LARS2: variants seen among roughly 807,000 people sequenced by gnomAD.
LARS2 encodes leucyl-tRNA synthetase 2, mitochondrial, also known as leucine--tRNA ligase, mitochondrial.
LARS2 carries 81 observed loss-of-function variants against 116.6 expected under a neutral mutation model. That is an observed-to-expected ratio of 0.69 (90% CI 0.58 to 0.84). The LOEUF (loss-of-function observed/expected upper bound fraction) is 0.84. Ranked by LOEUF, LARS2 falls within the 40% of genes least tolerant of loss-of-function variation. The pLI is 0.00. For missense variants in LARS2, 968 were observed against 1,114.5 expected (o/e 0.87, Z 1.87); for synonymous variants, 396 against 407.2 (o/e 0.97, Z 0.33).
At chr3:45,529,409 C>A (rs1700581091) in intron 20 of LARS2, among the ~76,000 whole-genome samples, 2 of 151,870 alleles carry the variant, frequency 1.3e-5, no homozygotes, top group African/African-American at 4.8e-5. Context: ...ATTAGCCGGG[C>A]GTGGTGGCGC....
chr3:45,527,438 C>T (rs892741186), intron 20 of LARS2, among the ~76,000 whole-genome samples: 6 of 152,142 alleles, frequency 3.9e-5, no homozygotes, highest in Admixed American at 3.9e-4. Flanking sequence ...TCCTGGCCAA[C>T]ATGGTGAAAC....
chr3:45,494,824 T>C (rs1466820984), intron 13 of LARS2, among the ~76,000 whole-genome samples: 1 of 152,208 alleles, frequency 6.6e-6, no homozygotes, highest in Non-Finnish European at 1.5e-5. Context: ...TCCCAGCACT[T>C]TGGGAGGCTG....
intron 2 of LARS2, among the ~76,000 whole-genome samples, chr3:45,392,302 CTTTT>C (rs749403733): frequency 7.2e-6 from 1 of 138,208 alleles, no homozygotes. Flanking sequence ...TCTTTTTTAT[CTTTT>C]TTTTTTTTTT....
intron 10 of LARS2, 67 bp downstream of exon 10, chr3:45,476,694 A>G: frequency 1.3e-6 from 2 of 1,536,518 alleles, no homozygotes; most frequent in Non-Finnish European, 1.8e-6. Flanking sequence ...CGCCTCCCAG[A>G]GTTCAAGGTC....
At chr3:45,516,304 C>T (rs748390580) in intron 17 of LARS2, 28 bp downstream of exon 17, 2 of 1,601,582 alleles carry the variant, frequency 1.2e-6, no homozygotes, top group Non-Finnish European at 1.7e-6. Context: ...TCCTGACTTG[C>T]TTCCTTTGTG....
chr3:45,533,252 A>G (rs933069104), intron 20 of LARS2, among the ~76,000 whole-genome samples: 21 of 135,388 alleles, frequency 1.6e-4, no homozygotes, highest in Non-Finnish European at 2.0e-4. Context: ...CCGGGTTCAC[A>G]CCATTTGCCT....
chr3:45,492,691 AT>A (rs1176009956), intron 13 of LARS2, among the ~76,000 whole-genome samples: 2 of 152,242 alleles, frequency 1.3e-5, no homozygotes, highest in African/African-American at 4.8e-5. Flanking sequence ...AGGAACAAAA[AT>A]AACCCCATTG....
chr3:45,521,063 G>A (rs1189146335), intron 19 of LARS2, among the ~76,000 whole-genome samples: 1 of 152,162 alleles, frequency 6.6e-6, no homozygotes, highest in Non-Finnish European at 1.5e-5. Flanking sequence ...CCAGCACTTT[G>A]GGAGGCTGAG....
chr3:45,495,441 T>C (rs1699997213), intron 13 of LARS2: 1 of 152,212 alleles, frequency 6.6e-6, no homozygotes, highest in African/African-American at 2.4e-5. Flanking sequence ...GAGCAACCAT[T>C]GCCTTTGGGG....
At chr3:45,495,034 C>T (rs1352812602) in intron 13 of LARS2, among the ~76,000 whole-genome samples, 2 of 152,212 alleles carry the variant, frequency 1.3e-5, no homozygotes, top group Non-Finnish European at 2.9e-5. Flanking sequence ...AGCCACTGCA[C>T]TCCAGCCCAG....
chr3:45,405,880 A>G (rs1698225568), intron 4 of LARS2, among the ~76,000 whole-genome samples: 1 of 152,130 alleles, frequency 6.6e-6, no homozygotes, highest in African/African-American at 2.4e-5. Context: ...AGAAGGGGGT[A>G]TAGTGAATCC....
intron 3 of LARS2, among the ~76,000 whole-genome samples, chr3:45,397,412 A>C (rs1698065612): frequency 6.6e-6 from 1 of 152,168 alleles, no homozygotes; most frequent in Non-Finnish European, 1.5e-5. Context: ...TTTAGAAAAC[A>C]ATACTTTTCT....
chr3:45,507,334 CAT>C (rs1378986791), intron 15 of LARS2, among the ~76,000 whole-genome samples: 1 of 152,042 alleles, frequency 6.6e-6, no homozygotes, highest in Non-Finnish European at 1.5e-5. Flanking sequence ...GAGCAGCTCT[CAT>C]ATATTGCAGG....
intron 4 of LARS2, among the ~76,000 whole-genome samples, chr3:45,410,292 T>A (rs73830410): frequency 0.013 from 1,951 of 146,930 alleles, 37 homozygotes; most frequent in African/African-American, 0.047. Context: ...ACTGCCCATA[T>A]CCCCAGCATT....
chr3:45,404,473 G>T (rs1698201588), intron 4 of LARS2, among the ~76,000 whole-genome samples: 1 of 152,114 alleles, frequency 6.6e-6, no homozygotes, highest in Non-Finnish European at 1.5e-5. Flanking sequence ...CCAGTGTCAG[G>T]ATTGGTCCCT....
In LARS2 at chr3:45,394,617, C is replaced by T; in HGVS notation, c.164C>T (p.Thr55Ile). The change falls in exon 3 of 22, where the codon ACA (threonine) becomes ATA (isoleucine). Residue 55 changes from threonine to isoleucine, a missense_variant. Thr to Ile is a moderately conservative substitution (Grantham distance 89). Transcript: ENST00000645846. ...TGGACAAAAGAGTATACATTGCAGA[C>T]AAGAAAGGATGTTGAGAAATGGTGG... The part of the protein sequence containing the change: ...GKWTKEYTLQ[T>I]RKDVEKWWHQ... The T allele has an allele frequency of 1.2e-6, 2 of 1,614,076 alleles. No homozygotes were observed. Among genetic ancestry groups the T allele is most frequent in the Non-Finnish European group, 1.7e-6 (2 of 1,180,016 alleles).
At chr3:45,508,933 G>A (rs762268862) in intron 15 of LARS2, among the ~76,000 whole-genome samples, 15 of 150,846 alleles carry the variant, frequency 9.9e-5, no homozygotes, top group Non-Finnish European at 1.5e-5. Flanking sequence ...TGGGACAAAT[G>A]TGGCCTTCAA....
chr3:45,540,788 C>G (rs1479118610), intron 20 of LARS2, among the ~76,000 whole-genome samples: 4 of 151,538 alleles, frequency 2.6e-5, no homozygotes, highest in Admixed American at 2.6e-4. Flanking sequence ...ATCTATCTAT[C>G]TATCTATCTA....
intron 7 of LARS2, among the ~76,000 whole-genome samples, chr3:45,449,558 A>G (rs1321529921): frequency 2.0e-5 from 3 of 152,148 alleles, no homozygotes; most frequent in Admixed American, 2.0e-4. Flanking sequence ...TCATGACCTA[A>G]TCACCTCTGA....
Sources: gnomAD v4.1 joint callset for allele counts (sites outside exome capture counted in the v4.1 genomes callset) on GRCh38, gnomAD v4.1.1 for gene constraint, MANE v1.5 for transcripts, NCBI Gene and HGNC (gene_info 2026-07-23, HGNC 2026-07-21) for gene names.